YJU2: variants seen among roughly 807,000 people sequenced by gnomAD.
YJU2 encodes the protein splicing factor YJU2.
Under a neutral mutation model 39.6 loss-of-function variants are expected in YJU2, and 28 were observed. The observed-to-expected ratio is 0.71, with a 90% CI of 0.52 to 0.97. The LOEUF (loss-of-function observed/expected upper bound fraction) is 0.97, where lower values mean the gene tolerates loss of function less well. YJU2 is among the 50% of genes least tolerant of loss of function. YJU2 has a pLI of 0.00. For synonymous variants in YJU2, 184 were observed against 182.4 expected, an observed-to-expected ratio of 1.01 and a Z score of -0.07; for missense variants, 328 against 430.4, an observed-to-expected ratio of 0.76 and a Z score of 2.11.
intron 6 of YJU2, among the ~76,000 whole-genome samples, chr19:4,264,044 C>T (rs572891893): frequency 1.3e-5 from 2 of 151,572 alleles, no homozygotes; most frequent in African/African-American, 2.4e-5. Flanking sequence ...GGGTGGATCA[C>T]GAGGTCAGGA....
intron 3 of YJU2, among the ~76,000 whole-genome samples, chr19:4,253,935 G>A (rs1201492221): frequency 2.0e-5 from 3 of 151,982 alleles, no homozygotes; most frequent in African/African-American, 4.8e-5. Flanking sequence ...AGCCTCCAGA[G>A]TAGCTGGGAT....
chr19:4,266,057 G>A (rs1460863137), intron 6 of YJU2, among the ~76,000 whole-genome samples: 2 of 149,482 alleles, frequency 1.3e-5, no homozygotes, highest in African/African-American at 5.0e-5. Context: ...AGGTTCAAGC[G>A]ATTCTCCTGC....
At chr19:4,254,636 G>A in intron 4 of YJU2, 147 bp downstream of exon 4, 1 of 1,222,276 alleles carries the variant, frequency 8.2e-7, no homozygotes, top group Non-Finnish European at 1.1e-6. Flanking sequence ...ATGTCCCCAG[G>A]AGGCCAGGCA....
chr19:4,247,370 C>T, intron 1 of YJU2, 200 bp downstream of exon 1: 1 of 563,488 alleles, frequency 1.8e-6, no homozygotes, highest in East Asian at 3.1e-5. Context: ...AGTCTCCCTT[C>T]TGGGCTGGGG....
rs192932984 is a variant in YJU2 at position 4,259,281 on chromosome 19, G to T, written c.587+858G>T. On this transcript the variant is annotated intron_variant, in intron 5 of 7. Transcript: ENST00000262962. ...TTTTTAGTAGAGATGGGGTTTCACC[G>T]TGTTAGCCAGGATGGTCTCGATCTC... Among the ~76,000 whole-genome samples, 18 of 151,846 alleles carry T rather than the reference G, an allele frequency of 1.2e-4. 1 individual carries two copies. The highest frequency in any genetic ancestry group is 9.2e-4 in the Admixed American group (14 of 15,212).
chr19:4,264,296 GTTCT>G (rs1971098825), intron 6 of YJU2, among the ~76,000 whole-genome samples: 1 of 139,406 alleles, frequency 7.2e-6, no homozygotes, highest in Non-Finnish European at 1.5e-5. Context: ...AGAAACGATT[GTTCT>G]TTCTTCCTTT....
At position 4,247,579 on chromosome 19, in the gene YJU2, GCGC is replaced by G. The variant is rs1177651104; in HGVS notation, c.24+410_24+412del. Among the ~76,000 whole-genome samples the G allele has an allele frequency of 9.7e-4, 51 of 52,680 alleles. 2 individuals carry two copies. The highest frequency in any genetic ancestry group is 8.4e-3 in the African/African-American group (46 of 5,492). 34.6% of individuals were successfully genotyped at this position (52,680 alleles called of 152,430 possible). A position where few individuals can be genotyped will look rare whatever the true frequency, so the allele number is the denominator to read the frequency against. On this transcript the variant is annotated intron_variant, in intron 1 of 7. Transcript: ENST00000262962. ...ACTTTGGGTGGGGTGGGGTGGGGTG[GCGC>G]GTGTGTGTGTGTGTGTGTGTGTGTG...
chr19:4,256,045 G>A (rs1256822881), intron 4 of YJU2, among the ~76,000 whole-genome samples: 4 of 151,148 alleles, frequency 2.6e-5, no homozygotes, highest in East Asian at 1.9e-4. Flanking sequence ...GTACTGGTGT[G>A]CACCTGTGGT....
At chr19:4,264,417 C>T (rs989368051) in intron 6 of YJU2, among the ~76,000 whole-genome samples, 1 of 151,258 alleles carries the variant, frequency 6.6e-6, no homozygotes, top group South Asian at 2.1e-4. Context: ...AAGCAATCCT[C>T]CCACCTCAGT....
chr19:4,249,306 C>T lies in YJU2; in HGVS notation c.103C>T (p.Leu35=). Residue 35 remains leucine, a synonymous_variant, in exon 2 of 8, where the codon CTG becomes TTG. Coordinates refer to ENST00000262962, the MANE Select transcript of YJU2 (RefSeq NM_018074.6). ...CAAAGACCGGCAGTACGTGGTGCGG[C>T]TGATGGCCCCCTTCAACATGAGGTG... ...LPKDRQYVVR[L]MAPFNMRCKT... The T allele has an allele frequency of 1.2e-6, 2 of 1,613,514 alleles. No homozygotes were observed. Among genetic ancestry groups the T allele is most frequent in the Non-Finnish European group, 1.7e-6 (2 of 1,179,584 alleles).
chr19:4,261,829 T>TA (rs972486626), intron 5 of YJU2, among the ~76,000 whole-genome samples, 165 bp from the exon 6 acceptor site: 11 of 146,198 alleles, frequency 7.5e-5, no homozygotes, highest in East Asian at 2.0e-4. Context: ...CCTTGTCTCT[T>TA]AAAAAAAAAA....
Position 4,268,937 on chromosome 19 carries a change from A to C in YJU2, c.*241A>C, listed in dbSNP as rs1971140955. The C allele has an allele frequency of 1.8e-6, 1 of 543,410 alleles. No homozygotes were observed. The highest frequency in any genetic ancestry group is 3.3e-6 in the Non-Finnish European group (1 of 299,894). The allele number at this position is 543,410 out of a possible 1,614,324, so 33.7% of individuals were successfully genotyped here. A position where few individuals can be genotyped will look rare whatever the true frequency, so the allele number is the denominator to read the frequency against. On this transcript the variant is annotated 3_prime_UTR_variant, in exon 8 of 8. Transcript: ENST00000262962. ...CCTGCTGCTCCTGCCCCCACCTGTC[A>C]CTGTGCTTAGGGCTGCAACATCCCT...
chr19:4,266,500 C>T (rs941300314), intron 6 of YJU2, among the ~76,000 whole-genome samples: 2 of 152,158 alleles, frequency 1.3e-5, no homozygotes, highest in Non-Finnish European at 2.9e-5. Flanking sequence ...AGACGCCCTT[C>T]CTCTGAGAAG....
intron 6 of YJU2, among the ~76,000 whole-genome samples, chr19:4,263,204 T>C (rs1971086890): frequency 6.6e-6 from 1 of 152,022 alleles, no homozygotes; most frequent in Admixed American, 6.6e-5. Flanking sequence ...TATTTCTCAG[T>C]CATAACAGCC....
In YJU2 at chr19:4,247,617, GT is replaced by G. The variant is rs1419206229; in HGVS notation, c.24+448del. Among the ~76,000 whole-genome samples, 193 of 21,780 alleles carry G rather than the reference GT, an allele frequency of 8.9e-3. 21 individuals are homozygous for G. Among genetic ancestry groups the G allele is most frequent in the East Asian group, 0.024 (16 of 674 alleles). The allele number at this position is 21,780 out of a possible 152,430, so 14.3% of individuals were successfully genotyped here. ...TGTGTGTGTGTGTGTGTGTGTGTGTGTGTGTGTGTGTGTGTGTGTGTGTGTG... is the reference window on the plus strand; with the variant it reads ...TGTGTGTGTGTGTGTGTGTGTGTGTGGTGTGTGTGTGTGTGTGTGTGTGTG... On this transcript the variant is annotated intron_variant, in intron 1 of 7. Coordinates refer to ENST00000262962, the MANE Select transcript of YJU2 (RefSeq NM_018074.6).
chr19:4,268,516 GC>G, intron 7 of YJU2, 67 bp from the exon 8 acceptor site: 2 of 1,147,650 alleles, frequency 1.7e-6, no homozygotes, highest in Non-Finnish European at 2.6e-6. Flanking sequence ...GAGGTGGCCG[GC>G]CCCGTGCCTT....
At position 4,267,731 on chromosome 19, in the gene YJU2, C is replaced by G. The variant is rs780937020; in HGVS notation, c.816C>G (p.Asp272Glu). ...RLVVVKKAKA[D>E]PDCSNGQPQA... ...TCGTGGTGAAGAAGGCAAAGGCCGA[C>G]CCGGACTGCAGCAACGGGCAGCCTC... is the stretch of plus-strand genomic sequence containing the variant. Residue 272 changes from aspartate (D) to glutamate (E), a missense_variant, in exon 7 of 8, where the codon GAC becomes GAG. Coordinates refer to ENST00000262962, the MANE Select transcript of YJU2 (RefSeq NM_018074.6). The G allele has an allele frequency of 6.2e-7, 1 of 1,613,092 alleles. No individual in the cohort carries two copies. Among genetic ancestry groups the G allele is most frequent in the Non-Finnish European group, 8.5e-7 (1 of 1,179,870 alleles).
chr19:4,263,958 GAC>G (rs2144698993), intron 6 of YJU2, among the ~76,000 whole-genome samples: 1 of 151,688 alleles, frequency 6.6e-6, no homozygotes, highest in South Asian at 2.1e-4. Flanking sequence ...CAATAACACA[GAC>G]ACACAGAAAC....
chr19:4,252,337 G>A (rs1479645893), intron 3 of YJU2, among the ~76,000 whole-genome samples: 4 of 151,902 alleles, frequency 2.6e-5, no homozygotes, highest in Non-Finnish European at 4.4e-5. Flanking sequence ...AGTGGCTCAC[G>A]CCTCTAATCC....
Sources: gnomAD v4.1 joint callset for allele counts (sites outside exome capture counted in the v4.1 genomes callset) on GRCh38, gnomAD v4.1.1 for gene constraint, MANE v1.5 for transcripts, NCBI Gene and HGNC (gene_info 2026-07-23, HGNC 2026-07-21) for gene names.